The following SPIDR variants were observed in gnomAD, a reference collection of about 807,000 sequenced individuals.
The protein encoded by SPIDR is scaffold protein involved in DNA repair.
In SPIDR, 93 loss-of-function variants were observed where a neutral mutation model predicts 104.6. The ratio of observed to expected loss-of-function variants is 0.89; its 90% CI spans 0.75 to 1.06. SPIDR has a LOEUF of 1.06. Among genes scored for constraint, SPIDR ranks in the 50% least tolerant of loss-of-function variants. SPIDR has a pLI of 0.00. For synonymous variants in SPIDR, 431 were observed against 416.9 expected, an observed-to-expected ratio of 1.03 and a Z score of -0.41; for missense variants, 1,154 against 1,111.2, an observed-to-expected ratio of 1.04 and a Z score of -0.55.
intron 5 of SPIDR, among the ~76,000 whole-genome samples, chr8:47,297,460 T>G (rs2041077607): frequency 6.6e-6 from 1 of 152,222 alleles, no homozygotes; most frequent in African/African-American, 2.4e-5. Context: ...CATATCTATT[T>G]TTTTTTATTA....
At chr8:47,529,386 C>T (rs1015828990) in intron 8 of SPIDR, among the ~76,000 whole-genome samples, 1 of 151,970 alleles carries the variant, frequency 6.6e-6, no homozygotes, top group Non-Finnish European at 1.5e-5. Context: ...TCACTGCACG[C>T]CTGGGCAACA....
intron 8 of SPIDR, among the ~76,000 whole-genome samples, chr8:47,531,882 A>G (rs1175534731): frequency 1.3e-5 from 2 of 152,224 alleles, no homozygotes; most frequent in Non-Finnish European, 2.9e-5. Flanking sequence ...AGAAAAAAAT[A>G]GAATCATATA....
At chr8:47,665,320 T>G (rs1230283797) in intron 10 of SPIDR, among the ~76,000 whole-genome samples, 2 of 152,190 alleles carry the variant, frequency 1.3e-5, no homozygotes, top group Admixed American at 6.5e-5. Context: ...AACAAATTAC[T>G]TACACCATAC....
chr8:47,516,741 T>C (rs571916648), intron 8 of SPIDR, among the ~76,000 whole-genome samples: 1 of 152,320 alleles, frequency 6.6e-6, no homozygotes, highest in Admixed American at 6.5e-5. Flanking sequence ...TCTGTGAACA[T>C]AAGTATACAA....
chr8:47,520,580 G>A (rs1018891394), intron 8 of SPIDR, among the ~76,000 whole-genome samples: 16 of 152,230 alleles, frequency 1.1e-4, no homozygotes, highest in African/African-American at 3.1e-4. Flanking sequence ...TGCTGGAAGT[G>A]GCATGAAAAT....
In SPIDR at chr8:47,518,881, C is replaced by T. The variant is rs569898808; in HGVS notation, c.1098-76930C>T. On this transcript the variant is annotated intron_variant, in intron 8 of 19. Coordinates refer to ENST00000297423, the MANE Select transcript of SPIDR (RefSeq NM_001080394.4). ...CGGTCTACTGACCTTGTGATCCGCC[C>T]GCCTTGGCCTCCCAAAGTGCTGGGA... 1.6e-3 allele frequency among the ~76,000 whole-genome samples: 247 copies of T among 152,232 alleles called. 1 individual carries two copies. The highest frequency in any genetic ancestry group is 5.7e-3 in the African/African-American group (237 of 41,566).
intron 8 of SPIDR, among the ~76,000 whole-genome samples, chr8:47,525,335 T>A (rs2084807751): frequency 6.6e-6 from 1 of 152,198 alleles, no homozygotes. Flanking sequence ...TTTACCAGAA[T>A]AGGAGCCTGG....
chr8:47,472,030 C>T (rs1333262707), intron 8 of SPIDR, among the ~76,000 whole-genome samples: 1 of 152,202 alleles, frequency 6.6e-6, no homozygotes, highest in Admixed American at 6.5e-5. Context: ...CTTTTACATT[C>T]ATGTTCACTG....
At chr8:47,703,176 G>C (rs1267584693) in intron 14 of SPIDR, among the ~76,000 whole-genome samples, 1 of 152,192 alleles carries the variant, frequency 6.6e-6, no homozygotes, top group East Asian at 1.9e-4. Flanking sequence ...ATTCATGGTT[G>C]CATACAACCC....
chr8:47,358,842 A>G (rs1380487563), intron 5 of SPIDR, among the ~76,000 whole-genome samples: 1 of 152,178 alleles, frequency 6.6e-6, no homozygotes, highest in African/African-American at 2.4e-5. Context: ...GGATACATAT[A>G]TACAGACATA....
intron 8 of SPIDR, among the ~76,000 whole-genome samples, chr8:47,593,388 A>G (rs1013197508): frequency 1.3e-5 from 2 of 150,796 alleles, no homozygotes; most frequent in African/African-American, 2.4e-5. Flanking sequence ...TGCTGAGACT[A>G]TTTTTTTTCA....
intron 10 of SPIDR, among the ~76,000 whole-genome samples, chr8:47,620,616 T>A (rs1395637756): frequency 6.7e-6 from 1 of 149,902 alleles, no homozygotes; most frequent in Non-Finnish European, 1.5e-5. Context: ...TTTTGTTTTT[T>A]TGTTTCTTTG....
At chr8:47,668,046 G>T (rs1044961265) in intron 10 of SPIDR, among the ~76,000 whole-genome samples, 7 of 152,162 alleles carry the variant, frequency 4.6e-5, no homozygotes, top group Non-Finnish European at 1.0e-4. Flanking sequence ...CATTAGAGAT[G>T]TTGAGCTGGT....
intron 16 of SPIDR, 97 bp downstream of exon 16, chr8:47,713,738 C>A: frequency 6.7e-7 from 1 of 1,484,772 alleles, no homozygotes; most frequent in Non-Finnish European, 9.1e-7. Context: ...TTGTGGAGCA[C>A]CCGCTAAGTT....
At chr8:47,481,914 G>A (rs117914574) in intron 8 of SPIDR, among the ~76,000 whole-genome samples, 4,747 of 152,264 alleles carry the variant, frequency 0.031, 103 homozygotes, top group Non-Finnish European at 0.051. Flanking sequence ...GCCTTCAATT[G>A]CAAATAGTTG....
intron 8 of SPIDR, among the ~76,000 whole-genome samples, chr8:47,484,400 T>A (rs1356936196): frequency 6.6e-6 from 1 of 152,356 alleles, no homozygotes; most frequent in East Asian, 1.9e-4. Flanking sequence ...TAGGGTGGGC[T>A]CAGCTGTCCT....
intron 5 of SPIDR, among the ~76,000 whole-genome samples, chr8:47,304,581 G>C (rs1268875567): frequency 7.9e-5 from 12 of 152,234 alleles, no homozygotes. Flanking sequence ...ACCATGTGAA[G>C]TGTCTGCTTC....
chr8:47,347,591 C>T (rs1422920678), intron 5 of SPIDR, among the ~76,000 whole-genome samples: 2 of 151,964 alleles, frequency 1.3e-5, no homozygotes, highest in Non-Finnish European at 2.9e-5. Flanking sequence ...GTCTTTAAGT[C>T]TCTTTGTAGA....
chr8:47,458,110 T>C (rs989681995), intron 8 of SPIDR, among the ~76,000 whole-genome samples: 1 of 152,074 alleles, frequency 6.6e-6, no homozygotes. Flanking sequence ...TGTTTTCTAG[T>C]TCTGTGAAGA....
Sources: gnomAD v4.1 joint callset for allele counts (sites outside exome capture counted in the v4.1 genomes callset) on GRCh38, gnomAD v4.1.1 for gene constraint, MANE v1.5 for transcripts, NCBI Gene and HGNC (gene_info 2026-07-23, HGNC 2026-07-21) for gene names.